Variants in PALLD observed in about 807,000 individuals in gnomAD.
PALLD encodes palladin, cytoskeletal associated protein, also known as palladin.
A neutral mutation model predicts 123.5 loss-of-function variants in PALLD; 61 were observed. The observed-to-expected ratio is 0.49, with a 90% CI of 0.40 to 0.61. PALLD has a LOEUF of 0.61. PALLD is among the 20% of genes least tolerant of loss of function. The probability of loss-of-function intolerance (pLI) is 0.00; values close to 1 mark genes in which losing one functional copy is unlikely to be tolerated. For synonymous variants in PALLD, 465 were observed against 496.4 expected (o/e 0.94, Z 0.84); for missense variants, 1,273 against 1,377.0 (o/e 0.92, Z 1.20).
intron 1 of PALLD, among the ~76,000 whole-genome samples, chr4:168,501,260 A>G (rs1435633741): frequency 6.6e-6 from 1 of 152,144 alleles, no homozygotes; most frequent in Non-Finnish European, 1.5e-5. Context: ...GAAAATAAAA[A>G]AGAATTAGCA....
rs61380178 is a variant in PALLD, at chr4:168,701,120, A to C, written c.1502-7908A>C. 0.022 allele frequency among the ~76,000 whole-genome samples: 3,421 copies of C among 152,342 alleles called. 246 individuals are homozygous for C. In the East Asian group the frequency reaches 0.29, roughly 13 times the overall value. On this transcript the variant is annotated intron_variant, in intron 8 of 21. Transcript: ENST00000505667. ...TCCTAAAATTGCTTTAAGGTGGTCAAACTGATTAAGTTTAATAAAAAAAGG... is the reference window on the plus strand; with the variant it reads ...TCCTAAAATTGCTTTAAGGTGGTCACACTGATTAAGTTTAATAAAAAAAGG...
intron 2 of PALLD, among the ~76,000 whole-genome samples, chr4:168,666,573 C>A (rs1170650107): frequency 1.3e-5 from 2 of 152,008 alleles, no homozygotes; most frequent in Admixed American, 1.3e-4. Flanking sequence ...TATTTGAGGG[C>A]TATGTAAGGA....
At position 168,898,676 on chromosome 4, in the gene PALLD, A is replaced by G; in HGVS notation, c.2434A>G (p.Thr812Ala). Residue 812 changes from threonine (T) to alanine (A), a missense_variant, in exon 14 of 22, where the codon ACT becomes GCT. Physicochemically the swap from Thr to Ala is moderately conservative, Grantham distance 58 (BLOSUM62 0). Around this residue, in one of 2 missense-constraint regions of PALLD, gnomAD observed 329 missense variants for 422.5 expected, o/e 0.78. Transcript: ENST00000505667. ...CAAGATCTTTGAGGGAATGCCAGTA[A>G]CTTTCACATGTAGAGTGGCTGGAAA... ...HYKIFEGMPV[T>A]FTCRVAGNPK... 1 of 1,614,100 alleles carries G rather than the reference A, an allele frequency of 6.2e-7. No individual in the cohort carries two copies. Among genetic ancestry groups the G allele is most frequent in the South Asian group, 1.1e-5 (1 of 91,080 alleles).
chr4:168,641,471 G>A (rs1484269356), intron 2 of PALLD, among the ~76,000 whole-genome samples: 1 of 152,162 alleles, frequency 6.6e-6, no homozygotes, highest in Non-Finnish European at 1.5e-5. Flanking sequence ...CCAGACAGTA[G>A]CTCAGAGGGC....
At chr4:168,654,260 G>A (rs1379025563) in intron 2 of PALLD, among the ~76,000 whole-genome samples, 1 of 152,046 alleles carries the variant, frequency 6.6e-6, no homozygotes, top group Non-Finnish European at 1.5e-5. Context: ...TAGCTTTAGA[G>A]TTGTTTTTTT....
chr4:168,862,561 T>G (rs1159302883), intron 10 of PALLD, among the ~76,000 whole-genome samples: 4 of 152,246 alleles, frequency 2.6e-5, no homozygotes, highest in Admixed American at 2.6e-4. Flanking sequence ...TGTTGTTGAT[T>G]GCGCTCTCTC....
At chr4:168,711,360 G>A (rs567169229) in intron 9 of PALLD, among the ~76,000 whole-genome samples, 82 of 152,324 alleles carry the variant, frequency 5.4e-4, no homozygotes, top group Non-Finnish European at 9.0e-4. Context: ...CCAAATGTGA[G>A]CTCAGTCAGG....
intron 10 of PALLD, among the ~76,000 whole-genome samples, chr4:168,847,753 ACAT>A (rs1264049110): frequency 1.3e-5 from 2 of 152,194 alleles, no homozygotes; most frequent in African/African-American, 4.8e-5. Flanking sequence ...CGTAATAATC[ACAT>A]CAGGGTAAAT....
At chr4:168,605,522 A>G (rs1025334986) in intron 2 of PALLD, among the ~76,000 whole-genome samples, 1 of 152,206 alleles carries the variant, frequency 6.6e-6, no homozygotes, top group African/African-American at 2.4e-5. Flanking sequence ...ATAAGACATT[A>G]GAAGACAGGC....
At chr4:168,542,232 G>C (rs773289319) in intron 2 of PALLD, among the ~76,000 whole-genome samples, 14 of 152,064 alleles carry the variant, frequency 9.2e-5, no homozygotes, top group Admixed American at 2.6e-4. Flanking sequence ...TTGTCTCTGG[G>C]ATCTGTGGTT....
chr4:168,840,407 GTCCAAGTTCATGAT>G (rs1157664301), intron 10 of PALLD, among the ~76,000 whole-genome samples: 1 of 152,250 alleles, frequency 6.6e-6, no homozygotes, highest in Non-Finnish European at 1.5e-5. Flanking sequence ...TAAGGCAGCT[GTCCAAGTTCATGAT>G]TCCTTGGCCC....
intron 2 of PALLD, among the ~76,000 whole-genome samples, chr4:168,569,284 A>G (rs946479500): frequency 6.6e-6 from 1 of 152,106 alleles, no homozygotes; most frequent in Non-Finnish European, 1.5e-5. Context: ...CAAGTGACCA[A>G]TGAGAACTGA....
chr4:168,637,372 AC>A (rs934244937), intron 2 of PALLD, among the ~76,000 whole-genome samples: 1 of 152,160 alleles, frequency 6.6e-6, no homozygotes, highest in Non-Finnish European at 1.5e-5. Context: ...GTAGACAACT[AC>A]CAGCAAGCAC....
intron 10 of PALLD, among the ~76,000 whole-genome samples, chr4:168,878,599 A>G (rs1752169274): frequency 6.6e-6 from 1 of 150,744 alleles, no homozygotes; most frequent in Non-Finnish European, 1.5e-5. Context: ...CATTATCAAA[A>G]TCAGAACTTT....
chr4:168,530,080 T>C (rs533470571), intron 2 of PALLD, among the ~76,000 whole-genome samples: 1 of 152,316 alleles, frequency 6.6e-6, no homozygotes, highest in African/African-American at 2.4e-5. Context: ...GAATTAGAAG[T>C]TTTTGAGGAT....
chr4:168,570,479 C>T (rs562979265), intron 2 of PALLD, among the ~76,000 whole-genome samples: 3 of 152,136 alleles, frequency 2.0e-5, no homozygotes, highest in Admixed American at 6.5e-5. Flanking sequence ...AGCAGGTTAA[C>T]AAAAGTGCCA....
chr4:168,832,385 C>A (rs1454358245), intron 10 of PALLD, among the ~76,000 whole-genome samples: 1 of 151,818 alleles, frequency 6.6e-6, no homozygotes, highest in Non-Finnish European at 1.5e-5. Context: ...TCCCTGAAAG[C>A]GGAGCTCCAG....
intron 8 of PALLD, among the ~76,000 whole-genome samples, chr4:168,695,864 T>G (rs1214250518): frequency 2.0e-5 from 3 of 152,218 alleles, no homozygotes; most frequent in Non-Finnish European, 4.4e-5. Flanking sequence ...GTCTTTTGGC[T>G]TAGGAGCACC....
chr4:168,569,679 T>G (rs1457338716), intron 2 of PALLD, among the ~76,000 whole-genome samples: 1 of 152,166 alleles, frequency 6.6e-6, no homozygotes, highest in Non-Finnish European at 1.5e-5. Context: ...AATCATGTAA[T>G]GAATGAATCA....
Sources: allele counts gnomAD v4.1 joint callset (sites outside exome capture counted in the v4.1 genomes callset), GRCh38; gene constraint gnomAD v4.1.1; regional missense constraint gnomAD v4.1.1; transcripts MANE v1.5; gene names NCBI Gene and HGNC (gene_info 2026-07-23, HGNC 2026-07-21).